LPP: variants seen among roughly 807,000 people sequenced by gnomAD.
LPP encodes the protein LIM domain containing preferred translocation partner in lipoma.
In LPP, 38 loss-of-function variants were observed where a neutral mutation model predicts 60.4. The ratio of observed to expected loss-of-function variants is 0.63; its 90% CI spans 0.49 to 0.83. LPP has a LOEUF of 0.83. LPP is among the 40% of genes least tolerant of loss of function. The pLI is 0.00. For missense variants in LPP, 902 were observed against 783.6 expected (o/e 1.15, Z -1.80); for synonymous variants, 328 against 290.8 (o/e 1.13, Z -1.30).
chr3:188,277,323 C>T (rs550128238), intron 2 of LPP, among the ~76,000 whole-genome samples: 8 of 152,176 alleles, frequency 5.3e-5, no homozygotes, highest in African/African-American at 1.4e-4. Context: ...AAGAAATGGA[C>T]GTGGCCCCAA....
At chr3:188,828,330 T>G (rs2151546581) in intron 9 of LPP, among the ~76,000 whole-genome samples, 1 of 151,792 alleles carries the variant, frequency 6.6e-6, no homozygotes, top group Middle Eastern at 3.4e-3. Flanking sequence ...CCCAGCTGCA[T>G]GCAGTGGCTC....
chr3:188,755,285 A>G (rs1179903367), intron 8 of LPP, among the ~76,000 whole-genome samples: 2 of 152,184 alleles, frequency 1.3e-5, no homozygotes, highest in African/African-American at 2.4e-5. Flanking sequence ...TTGATGGTGA[A>G]TAATGGGAAA....
rs201860495 is a variant in LPP at position 188,504,280 on chromosome 3, C to CT, written c.306+19584dup. Among the ~76,000 whole-genome samples, 722 of 151,918 alleles carry CT rather than the reference C, an allele frequency of 4.8e-3. 1 individual carries two copies. The highest frequency in any genetic ancestry group is 7.6e-3 in the Non-Finnish European group (519 of 67,914). On this transcript the variant is annotated intron_variant, in intron 5 of 11. Transcript: ENST00000617246. ...ATTGTAATTTTCATTTCCACAATTG[C>CT]TTTTTTTTCTTTTTCTGTATTGATA... is the stretch of plus-strand genomic sequence containing the variant.
chr3:188,230,907 C>T (rs1022256254), intron 2 of LPP, among the ~76,000 whole-genome samples: 2 of 152,178 alleles, frequency 1.3e-5, no homozygotes, highest in Non-Finnish European at 2.9e-5. Context: ...TGCAGTCTCA[C>T]CGGAAGGCTG....
intron 6 of LPP, among the ~76,000 whole-genome samples, chr3:188,530,525 T>C (rs745544493): frequency 1.7e-4 from 26 of 152,280 alleles, no homozygotes; most frequent in Middle Eastern, 3.4e-3. Context: ...ACTCTTATTC[T>C]ACAGATGGAA....
chr3:188,714,049 C>T (rs566776353), intron 8 of LPP, among the ~76,000 whole-genome samples: 48 of 152,258 alleles, frequency 3.2e-4, no homozygotes, highest in African/African-American at 1.1e-3. Context: ...ACTGGCAGAC[C>T]TGGCGATGAT....
chr3:188,372,162 G>A (rs1410432491), intron 3 of LPP, among the ~76,000 whole-genome samples: 1 of 151,864 alleles, frequency 6.6e-6, no homozygotes, highest in African/African-American at 2.4e-5. Flanking sequence ...GTTGAAAGGG[G>A]AAAAAACTTT....
intron 2 of LPP, among the ~76,000 whole-genome samples, chr3:188,329,115 G>A (rs561697702): frequency 6.6e-6 from 1 of 152,234 alleles, no homozygotes; most frequent in South Asian, 2.1e-4. Flanking sequence ...ACTCTTGAAA[G>A]GTCTAAGGGA....
intron 3 of LPP, among the ~76,000 whole-genome samples, chr3:188,350,114 C>T (rs1020513082): frequency 3.3e-5 from 5 of 152,158 alleles, no homozygotes; most frequent in Admixed American, 6.5e-5. Context: ...TGAGTGTCCA[C>T]GAACTGTGGC....
intron 9 of LPP, among the ~76,000 whole-genome samples, chr3:188,786,766 T>G (rs1332393847): frequency 1.3e-5 from 2 of 152,216 alleles, no homozygotes; most frequent in Non-Finnish European, 2.9e-5. Flanking sequence ...AAGGAGTTGT[T>G]GATATATGCA....
chr3:188,276,955 G>A (rs1398588044), intron 2 of LPP, among the ~76,000 whole-genome samples: 1 of 125,870 alleles, frequency 7.9e-6, no homozygotes, highest in Non-Finnish European at 1.6e-5. Flanking sequence ...CCAGGCTGGA[G>A]TATAGTGGCA....
intron 7 of LPP, among the ~76,000 whole-genome samples, chr3:188,643,818 C>T (rs1186011133): frequency 1.3e-5 from 2 of 152,028 alleles, no homozygotes; most frequent in Non-Finnish European, 2.9e-5. Flanking sequence ...TCTTGAGTAA[C>T]CTGAAGTCTA....
Position 188,509,703 on chromosome 3 carries a change from CTTTT to C in LPP, c.307-14952_307-14949del, listed in dbSNP as rs1232780741. Among the ~76,000 whole-genome samples the C allele has an allele frequency of 3.8e-4, 35 of 93,316 alleles. 2 individuals are homozygous for C. Among genetic ancestry groups the C allele is most frequent in the African/African-American group, 1.3e-3 (33 of 24,710 alleles). 61.2% of individuals were successfully genotyped at this position (93,316 alleles called of 152,430 possible). ...CTTCCTTCCTCTCTCTCTCTCTTTT[CTTTT>C]TTTTTTTTTGAGTCTCACTCTGTCG... On this transcript the variant is annotated intron_variant, in intron 5 of 11. Coordinates refer to ENST00000617246, the MANE Select transcript of LPP (RefSeq NM_001375462.1).
chr3:188,421,783 G>A (rs1016597953), intron 4 of LPP, among the ~76,000 whole-genome samples: 5 of 151,982 alleles, frequency 3.3e-5, no homozygotes, highest in Non-Finnish European at 7.4e-5. Flanking sequence ...CAACCACATC[G>A]ATACAACCAA....
chr3:188,650,839 G>T (rs530315326), intron 7 of LPP, among the ~76,000 whole-genome samples: 132 of 152,216 alleles, frequency 8.7e-4, no homozygotes, highest in Admixed American at 1.4e-3. Flanking sequence ...AGTTTTATTG[G>T]AATTCAGTCA....
intron 1 of LPP, among the ~76,000 whole-genome samples, chr3:188,190,107 G>C (rs972173750): frequency 6.7e-6 from 1 of 150,270 alleles, no homozygotes; most frequent in Non-Finnish European, 1.5e-5. Context: ...CCAGGCTGGA[G>C]TGCAGTGGCA....
chr3:188,700,671 C>T (rs948929172), intron 7 of LPP, among the ~76,000 whole-genome samples: 1 of 152,144 alleles, frequency 6.6e-6, no homozygotes. Flanking sequence ...GTGACCTGCC[C>T]ATTGCTTACT....
At chr3:188,276,834 C>T (rs902965475) in intron 2 of LPP, among the ~76,000 whole-genome samples, 1 of 149,542 alleles carries the variant, frequency 6.7e-6, no homozygotes, top group Non-Finnish European at 1.5e-5. Context: ...GCTATGTTTC[C>T]TCTATAGCCT....
Position 188,275,822 on chromosome 3 carries a change from C to T in LPP, c.-67+50295C>T, listed in dbSNP as rs374255153. 4.1e-4 allele frequency among the ~76,000 whole-genome samples: 63 copies of T among 152,130 alleles called. No homozygotes were observed. The East Asian group carries it at 9.9e-3, about 24-fold the overall frequency. ...TCCTGAGTAGCTGGGATTACAGGCACGTGCCACCACACCTGGCTAATTTTT... is the reference window on the plus strand; with the variant it reads ...TCCTGAGTAGCTGGGATTACAGGCATGTGCCACCACACCTGGCTAATTTTT... On this transcript the variant is annotated intron_variant, in intron 2 of 11. Coordinates refer to ENST00000617246, the MANE Select transcript of LPP (RefSeq NM_001375462.1).
Sources: allele counts gnomAD v4.1 joint callset (sites outside exome capture counted in the v4.1 genomes callset), GRCh38; gene constraint gnomAD v4.1.1; transcripts MANE v1.5; gene names NCBI Gene and HGNC (gene_info 2026-07-23, HGNC 2026-07-21).